Variants in RPS6KA1 observed in about 807,000 individuals in gnomAD.
RPS6KA1 encodes ribosomal protein S6 kinase A1.
In RPS6KA1, 48 loss-of-function variants were observed where a neutral mutation model predicts 91.3. That is an observed-to-expected ratio of 0.53 (90% CI 0.42 to 0.67). The LOEUF is 0.67. Among genes scored for constraint, RPS6KA1 ranks in the 30% least tolerant of loss-of-function variants. The pLI is 0.00. For synonymous variants in RPS6KA1, 359 were observed against 384.7 expected, an observed-to-expected ratio of 0.93 and a Z score of 0.78; for missense variants, 719 against 960.5, an observed-to-expected ratio of 0.75 and a Z score of 3.32.
chr1:26,574,751 A>G lies in RPS6KA1; in HGVS notation c.*550A>G. ...GGGAGTTCTAGAACCACTTCCTGCT[A>G]CAGGAGGGGTCTCATGTCCTGCTGG... is the stretch of plus-strand genomic sequence containing the variant. On this transcript the variant is annotated 3_prime_UTR_variant, in exon 22 of 22. Transcript: ENST00000374168. This position sits in a 1 kb window ranked among gnomAD's most constrained non-coding sequence, Gnocchi z 4.3. 2 of 285,050 alleles carry G rather than the reference A, an allele frequency of 7.0e-6. No individual in the cohort carries two copies. The highest frequency in any genetic ancestry group is 2.1e-4 in the East Asian group (2 of 9,348). The allele number at this position is 285,050 out of a possible 1,614,324, so 17.7% of individuals were successfully genotyped here. A position where few individuals can be genotyped will look rare whatever the true frequency, so the allele number is the denominator to read the frequency against.
At position 26,540,416 on chromosome 1, in the gene RPS6KA1, T is replaced by G. The variant is rs543290486; in HGVS notation, c.108+3447T>G. Among the ~76,000 whole-genome samples, 1 of 152,262 alleles carries G rather than the reference T, an allele frequency of 6.6e-6. No homozygotes were observed. Among genetic ancestry groups the G allele is most frequent in the South Asian group, 2.1e-4 (1 of 4,830 alleles). On this transcript the variant is annotated intron_variant, in intron 2 of 21. Coordinates refer to ENST00000374168, the MANE Select transcript of RPS6KA1 (RefSeq NM_002953.4). The surrounding 1 kb of genome is among the most constrained non-coding windows in gnomAD (Gnocchi z 4.2). ...TTTCTCTACCTGGAGTGTCTTTTTT[T>G]CCTCCTTTCTGCCTGGCCAACATTT... is the stretch of plus-strand genomic sequence containing the variant.
At chr1:26,530,118 C>CCGGCTCCACCCCCCTA (rs1194306786) in intron 1 of RPS6KA1, 135 bp downstream of exon 1, 4 of 458,366 alleles carry the variant, frequency 8.7e-6, no homozygotes, top group Non-Finnish European at 6.8e-6. Flanking sequence ...CTCTTGCCCA[C>CCGGCTCCACCCCCCTA]TGTCCGGCTC....
intron 12 of RPS6KA1, 54 bp from the exon 13 acceptor site, chr1:26,556,944 C>T (rs1467448302): frequency 5.0e-6 from 7 of 1,395,682 alleles, no homozygotes; most frequent in South Asian, 3.5e-5. Context: ...CATGGGGCTC[C>T]TGGTGGGCTG....
At chr1:26,537,035 G>A in intron 2 of RPS6KA1, 66 bp downstream of exon 2, 1 of 1,546,770 alleles carries the variant, frequency 6.5e-7, no homozygotes, top group South Asian at 1.1e-5. Context: ...GGCTTTGGAG[G>A]AGGTTGAGGG....
chr1:26,572,183 C>T lies in RPS6KA1; in HGVS notation c.1837C>T (p.Pro613Ser), dbSNP rs377725709. Reference sequence around the variant, plus strand: ...GTGCGGGCTTTTCTGCAGATATACTCCATTTGCCAACGGTCCCAGTGACAC... The same window carrying T: ...GTGCGGGCTTTTCTGCAGATATACTTCATTTGCCAACGGTCCCAGTGACAC... ...LLYTMLAGYT[P>S]FANGPSDTPE... Residue 613 changes from proline (P) to serine (S), a missense_variant, in exon 20 of 22, where the codon CCA becomes TCA. Coordinates refer to ENST00000374168, the MANE Select transcript of RPS6KA1 (RefSeq NM_002953.4). 1.2e-6 allele frequency: 2 copies of T among 1,613,600 alleles called. No individual in the cohort carries two copies. Among genetic ancestry groups the T allele is most frequent in the African/African-American group, 1.3e-5 (1 of 74,852 alleles).
At chr1:26,546,105 T>A in intron 2 of RPS6KA1, 1 of 1,557,328 alleles carries the variant, frequency 6.4e-7, no homozygotes, top group Non-Finnish European at 8.7e-7. Flanking sequence ...GAAGCCAGCT[T>A]AACATAAGCT....
intron 13 of RPS6KA1, among the ~76,000 whole-genome samples, chr1:26,557,985 C>T (rs866216366): frequency 4.0e-5 from 6 of 151,708 alleles, no homozygotes; most frequent in South Asian, 2.1e-4. Flanking sequence ...TGTGTCAGCA[C>T]GCCTGGCTAA....
chr1:26,534,044 G>T (rs2075888536), intron 1 of RPS6KA1, among the ~76,000 whole-genome samples: 1 of 152,148 alleles, frequency 6.6e-6, no homozygotes, highest in Admixed American at 6.5e-5. Context: ...TAGAGCGGGG[G>T]GTCCCTAAGT....
intron 4 of RPS6KA1, among the ~76,000 whole-genome samples, chr1:26,549,770 C>T (rs1291764276): frequency 1.4e-5 from 2 of 146,776 alleles, no homozygotes; most frequent in Non-Finnish European, 3.0e-5. Context: ...GGTGTGATCT[C>T]GGCTCACTGC....
chr1:26,565,681 C>T lies in RPS6KA1; in HGVS notation c.1590+4018C>T, dbSNP rs570426763. On this transcript the variant is annotated intron_variant, in intron 17 of 21. Transcript: ENST00000374168. ...GGTTCAAGCAATTCTCCTGCCTCAG[C>T]CTCCCAAGTAGCTGGGATTACAGGC... Among the ~76,000 whole-genome samples the T allele has an allele frequency of 5.9e-5, 9 of 152,128 alleles. No individual in the cohort carries two copies. In the South Asian group the frequency reaches 1.7e-3, roughly 28 times the overall value.
Position 26,560,772 on chromosome 1 carries a change from A to T in RPS6KA1, c.1262A>T (p.Lys421Met). The T allele has an allele frequency of 6.2e-7, 1 of 1,614,208 alleles. No individual in the cohort carries two copies. Residue 421 changes from lysine (K) to methionine (M), a missense_variant, in exon 15 of 22, where the codon AAG (lysine) becomes ATG (methionine). By Grantham distance (95) the Lys-to-Met change is moderately conservative. This residue lies in a region of RPS6KA1 where 228 missense variants were observed against 247.6 expected (regional missense o/e 0.92). Coordinates refer to ENST00000374168, the MANE Select transcript of RPS6KA1 (RefSeq NM_002953.4). ...NLVFSDGYVV[K>M]ETIGVGSYSE... ...GTTTTTAGTGACGGCTACGTGGTAA[A>T]GGAGACAATTGGTGTGGGCTCCTAC...
rs139054286 is a variant in RPS6KA1, at chr1:26,558,801, G to T, written c.1085-6G>T. On this transcript the variant is annotated splice_region_variant and splice_polypyrimidine_tract_variant and intron_variant, in intron 13 of 21. Transcript: ENST00000374168. The surrounding 1 kb of genome is among the most constrained non-coding windows in gnomAD (Gnocchi z 4.0). ...GTACCCTCACATTCTCCTTCCATCC[G>T]TACAGATTCCCCAGGCATCCCCCCC... The T allele has an allele frequency of 8.7e-6, 14 of 1,605,048 alleles. No individual in the cohort carries two copies. The highest frequency in any genetic ancestry group is 1.1e-5 in the Non-Finnish European group (13 of 1,173,548).
intron 4 of RPS6KA1, among the ~76,000 whole-genome samples, chr1:26,548,302 G>A (rs2076015092): frequency 6.6e-6 from 1 of 152,050 alleles, no homozygotes; most frequent in Non-Finnish European, 1.5e-5. Flanking sequence ...TGCTGTGACT[G>A]GTGTGCGTGG....
chr1:26,551,866 G>T lies in RPS6KA1; in HGVS notation c.468+143G>T. The T allele has an allele frequency of 1.4e-6, 1 of 699,752 alleles. No individual in the cohort carries two copies. The allele number at this position is 699,752 out of a possible 1,614,324, so 43.3% of individuals were successfully genotyped here. ...GCCTGCCTAGCAGCCCCTGGCCCAGGAAATACCACGCACCCTGGAATGGAG... is the reference window on the plus strand; with the variant it reads ...GCCTGCCTAGCAGCCCCTGGCCCAGTAAATACCACGCACCCTGGAATGGAG... On this transcript the variant is annotated intron_variant, in intron 6 of 21. Coordinates refer to ENST00000374168, the MANE Select transcript of RPS6KA1 (RefSeq NM_002953.4). This position sits in a 1 kb window ranked among gnomAD's most constrained non-coding sequence, Gnocchi z 4.5.
At chr1:26,530,968 C>A in intron 1 of RPS6KA1, 2 of 1,077,828 alleles carry the variant, frequency 1.9e-6, no homozygotes, top group Middle Eastern at 4.0e-4. Flanking sequence ...CTCATTTGAG[C>A]CCAGGAGCTG....
Position 26,571,865 on chromosome 1 carries a change from G to T in RPS6KA1, c.1769G>T (p.Gly590Val). The T allele has an allele frequency of 6.2e-7, 1 of 1,610,394 alleles. No individual in the cohort carries two copies. Among genetic ancestry groups the T allele is most frequent in the Non-Finnish European group, 8.5e-7 (1 of 1,179,956 alleles). The change falls in exon 19 of 22, where the codon GGC becomes GTC. Residue 590 changes from glycine (G) to valine (V), a missense_variant. Gly to Val is a moderately radical substitution (Grantham distance 109, BLOSUM62 -3). Around this residue, in one of 5 missense-constraint regions of RPS6KA1, gnomAD observed 249 missense variants for 323.1 expected, o/e 0.77. Coordinates refer to ENST00000374168, the MANE Select transcript of RPS6KA1 (RefSeq NM_002953.4). This position sits in a 1 kb window ranked among gnomAD's most constrained non-coding sequence, Gnocchi z 5.1. ...TGTTGCCAGGTGCTGAAGCGCCAGG[G>T]CTACGATGAAGGCTGCGACATCTGG... is the stretch of plus-strand genomic sequence containing the variant. The part of the protein sequence containing the change: ...FVAPEVLKRQ[G>V]YDEGCDIWSL...
chr1:26,536,791 C>A, intron 1 of RPS6KA1, 134 bp from the exon 2 acceptor site: 1 of 952,224 alleles, frequency 1.1e-6, no homozygotes, highest in Non-Finnish European at 1.7e-6. Flanking sequence ...GAGGGACCCA[C>A]CCAGGACTCC....
chr1:26,570,729 C>T (rs1414300066), intron 17 of RPS6KA1, among the ~76,000 whole-genome samples: 1 of 152,236 alleles, frequency 6.6e-6, no homozygotes. Flanking sequence ...AGGGAGCTTA[C>T]ATGCCGGTGG....
chr1:26,531,351 G>A (rs1330753634), intron 1 of RPS6KA1: 1 of 152,340 alleles, frequency 6.6e-6, no homozygotes, highest in African/African-American at 2.4e-5. Flanking sequence ...CCGCTACTAG[G>A]ACCGGGGCGC....
Sources: gnomAD v4.1 joint callset for allele counts (sites outside exome capture counted in the v4.1 genomes callset) on GRCh38, gnomAD v4.1.1 for gene constraint, gnomAD v4.1.1 regional missense constraint, Gnocchi (gnomAD v3.1) non-coding constraint, MANE v1.5 for transcripts, NCBI Gene and HGNC (gene_info 2026-07-23, HGNC 2026-07-21) for gene names.